Variants in ZNF277 observed in about 807,000 individuals in gnomAD.
The protein encoded by ZNF277 is zinc finger protein 277.
ZNF277 carries 55 observed loss-of-function variants against 60.7 expected under a neutral mutation model. The ratio of observed to expected loss-of-function variants is 0.91; its 90% CI spans 0.73 to 1.13. ZNF277 has a LOEUF of 1.13. Among genes scored for constraint, ZNF277 ranks in the 50% most tolerant of loss-of-function variants. ZNF277 has a pLI of 0.00. For synonymous variants in ZNF277, 178 were observed against 179.3 expected (o/e 0.99, Z 0.06); for missense variants, 510 against 523.0 (o/e 0.98, Z 0.24).
intron 1 of ZNF277, among the ~76,000 whole-genome samples, chr7:112,245,016 C>T (rs1791051059): frequency 6.6e-6 from 1 of 152,100 alleles, no homozygotes; most frequent in Non-Finnish European, 1.5e-5. Flanking sequence ...AGTTTATTGG[C>T]ACAGAAAAGA....
intron 1 of ZNF277, among the ~76,000 whole-genome samples, chr7:112,213,390 T>C (rs1368142261): frequency 2.0e-5 from 3 of 152,206 alleles, no homozygotes; most frequent in Non-Finnish European, 4.4e-5. Flanking sequence ...GAAGAGGCCT[T>C]ATTTAAAGCA....
intron 1 of ZNF277, among the ~76,000 whole-genome samples, chr7:112,229,768 A>G (rs1339569052): frequency 6.6e-6 from 1 of 152,236 alleles, no homozygotes; most frequent in Non-Finnish European, 1.5e-5. Flanking sequence ...GTGCCGTGAA[A>G]GAGTCAACAC....
At chr7:112,245,816 G>C (rs1791070258) in intron 1 of ZNF277, among the ~76,000 whole-genome samples, 1 of 152,088 alleles carries the variant, frequency 6.6e-6, no homozygotes, top group South Asian at 2.1e-4. Context: ...CCTCTGTAGA[G>C]ACCTTGTTTC....
rs184063144 is a variant in ZNF277, at chr7:112,236,141, G to A, written c.91+29334G>A. 2.0e-3 allele frequency among the ~76,000 whole-genome samples: 310 copies of A among 152,076 alleles called. 1 individual carries two copies. Among genetic ancestry groups the A allele is most frequent in the African/African-American group, 7.1e-3 (293 of 41,538 alleles). ...ACCACACTATCTTAATTACTGTAGC[G>A]TTTTAGTAAGTTTGGAAATCAGGTA... On this transcript the variant is annotated intron_variant, in intron 1 of 11. Transcript: ENST00000361822.
chr7:112,319,131 TA>T (rs947232437), intron 5 of ZNF277, among the ~76,000 whole-genome samples: 11 of 152,062 alleles, frequency 7.2e-5, no homozygotes, highest in Non-Finnish European at 1.5e-4. Flanking sequence ...CCCAAGTTTT[TA>T]TTAGGACTTC....
intron 4 of ZNF277, among the ~76,000 whole-genome samples, chr7:112,305,569 C>T (rs935060213): frequency 6.6e-6 from 1 of 151,146 alleles, no homozygotes; most frequent in Non-Finnish European, 1.5e-5. Context: ...GACTACAGTG[C>T]CCAATGTAAT....
intron 1 of ZNF277, among the ~76,000 whole-genome samples, chr7:112,210,478 G>GTT (rs1377855255): frequency 8.6e-6 from 1 of 116,854 alleles, no homozygotes; most frequent in Admixed American, 8.6e-5. Context: ...TTTTTTTTTT[G>GTT]TTTTTTTTTT....
chr7:112,211,078 T>C (rs1821733926), intron 1 of ZNF277, among the ~76,000 whole-genome samples: 1 of 152,244 alleles, frequency 6.6e-6, no homozygotes, highest in Non-Finnish European at 1.5e-5. Flanking sequence ...TTGATGATTT[T>C]GCTAATGCTT....
rs936732654 is a variant in ZNF277 at position 112,213,251 on chromosome 7, T to C, written c.91+6444T>C. Among the ~76,000 whole-genome samples, 11 of 152,334 alleles carry C rather than the reference T, an allele frequency of 7.2e-5. 1 individual carries two copies. Among genetic ancestry groups the C allele is most frequent in the African/African-American group, 2.6e-4 (11 of 41,576 alleles). ...GCTCTTCCTTGCCTTCCACCATGAT[T>C]GTGAGGCTTCCCCAGCCATGTGAAA... is the stretch of plus-strand genomic sequence containing the variant. On this transcript the variant is annotated intron_variant, in intron 1 of 11. Transcript: ENST00000361822.
At chr7:112,310,489 G>GAGAGAGAGAGGGAGAGAGAGAGAGAGAA (rs1305151299) in intron 4 of ZNF277, among the ~76,000 whole-genome samples, 1 of 142,886 alleles carries the variant, frequency 7.0e-6, no homozygotes, top group African/African-American at 3.0e-5. Context: ...GTGTGTGTGT[G>GAGAGAGAGAGGGAGAGAGAGAGAGAGAA]TGTATGTATT....
chr7:112,211,572 C>G (rs1308685127), intron 1 of ZNF277, among the ~76,000 whole-genome samples: 1 of 152,236 alleles, frequency 6.6e-6, no homozygotes, highest in Admixed American at 6.5e-5. Context: ...GCAAAACCTT[C>G]CTGTTGATCT....
intron 1 of ZNF277, among the ~76,000 whole-genome samples, chr7:112,227,899 A>G (rs1210625735): frequency 6.6e-6 from 1 of 152,050 alleles, no homozygotes; most frequent in Non-Finnish European, 1.5e-5. Flanking sequence ...TTTTAAGTCT[A>G]ATAGTTCAGC....
chr7:112,231,335 G>A (rs1822323460), intron 1 of ZNF277, among the ~76,000 whole-genome samples: 2 of 152,122 alleles, frequency 1.3e-5, no homozygotes, highest in Admixed American at 6.5e-5. Flanking sequence ...AACCAGAAAG[G>A]GGAAATGCTG....
intron 1 of ZNF277, among the ~76,000 whole-genome samples, chr7:112,277,892 A>C (rs937047482): frequency 2.6e-5 from 4 of 152,230 alleles, no homozygotes; most frequent in Admixed American, 2.0e-4. Flanking sequence ...TTGCTAAAAC[A>C]TATGTTTGAC....
chr7:112,295,886 G>A lies in ZNF277; in HGVS notation c.311G>A (p.Arg104Lys). 6.2e-7 allele frequency: 1 copy of A among 1,612,074 alleles called. No homozygotes were observed. The highest frequency in any genetic ancestry group is 8.5e-7 in the Non-Finnish European group (1 of 1,178,614). Residue 104 changes from arginine to lysine, a missense_variant, in exon 3 of 12, where the codon AGG becomes AAG. Coordinates refer to ENST00000361822, the MANE Select transcript of ZNF277 (RefSeq NM_021994.3). ...GTTCTAAGGTACATTTTATATTGGA[G>A]GAAAAGGTTCACTGAACAGCCCATC... ...ADFQRYILYW[R>K]KRFTEQPITD...
intron 1 of ZNF277, among the ~76,000 whole-genome samples, chr7:112,256,066 G>A (rs1350199051): frequency 6.6e-6 from 1 of 152,000 alleles, no homozygotes; most frequent in Non-Finnish European, 1.5e-5. Context: ...CATCTCTCTA[G>A]TCCTCTCTCC....
At chr7:112,275,350 C>T (rs889398082) in intron 1 of ZNF277, among the ~76,000 whole-genome samples, 2 of 152,240 alleles carry the variant, frequency 1.3e-5, no homozygotes, top group East Asian at 1.9e-4. Context: ...GAAGTATCTT[C>T]AGTAGTGCAC....
intron 1 of ZNF277, among the ~76,000 whole-genome samples, chr7:112,262,386 A>T (rs1353634751): frequency 6.6e-6 from 1 of 152,128 alleles, no homozygotes; most frequent in East Asian, 1.9e-4. Context: ...AAAAGAGAGC[A>T]CTGTATGGGA....
At chr7:112,259,466 T>C (rs1294271298) in intron 1 of ZNF277, among the ~76,000 whole-genome samples, 2 of 152,156 alleles carry the variant, frequency 1.3e-5, no homozygotes, top group African/African-American at 2.4e-5. Context: ...AAGCCGCAGA[T>C]ACTTCCCGAA....
Sources: allele counts gnomAD v4.1 joint callset (sites outside exome capture counted in the v4.1 genomes callset), GRCh38; gene constraint gnomAD v4.1.1; transcripts MANE v1.5; gene names NCBI Gene and HGNC (gene_info 2026-07-23, HGNC 2026-07-21).